NSUN3: variants seen among roughly 807,000 people sequenced by gnomAD.
The protein encoded by NSUN3 is tRNA (cytosine(34)-C(5))-methyltransferase, mitochondrial.
In NSUN3, 24 loss-of-function variants were observed where a neutral mutation model predicts 36.8. The observed-to-expected ratio is 0.65, with a 90% CI of 0.47 to 0.92. The LOEUF is 0.92. NSUN3 is among the 40% of genes least tolerant of loss of function. NSUN3 has a pLI of 0.00. For missense variants in NSUN3, 381 were observed against 392.8 expected (o/e 0.97, Z 0.25); for synonymous variants, 146 against 145.2 (o/e 1.01, Z -0.04).
rs535044729 is a variant in NSUN3 at position 94,116,918 on chromosome 3, A to C, written c.744-9293A>C. The stretch of plus-strand genomic sequence containing the variant: ...ATGAATAGTTATACCACATGAGATA[A>C]GTCTTGGCCATAAATAGCCTTACAT... On this transcript the variant is annotated intron_variant, in intron 5 of 5. Coordinates refer to ENST00000314622, the MANE Select transcript of NSUN3 (RefSeq NM_022072.5). 5.3e-5 allele frequency among the ~76,000 whole-genome samples: 8 copies of C among 151,932 alleles called. No homozygotes were observed. In the East Asian group the frequency reaches 7.7e-4, roughly 15 times the overall value.
intron 5 of NSUN3, among the ~76,000 whole-genome samples, chr3:94,113,357 C>T (rs1303371213): frequency 6.6e-6 from 1 of 152,168 alleles, no homozygotes; most frequent in Non-Finnish European, 1.5e-5. Context: ...AAATAACTGT[C>T]TTGCCTTAGT....
chr3:94,110,730 A>G (rs2077412516), intron 5 of NSUN3, among the ~76,000 whole-genome samples: 1 of 149,604 alleles, frequency 6.7e-6, no homozygotes, highest in Non-Finnish European at 1.5e-5. Flanking sequence ...GGAGATATAC[A>G]TGTATACACA....
At chr3:94,064,376 G>T in intron 1 of NSUN3, 61 bp from the exon 2 acceptor site, 1 of 994,028 alleles carries the variant, frequency 1.0e-6, no homozygotes, top group Non-Finnish European at 1.6e-6. Flanking sequence ...CCTTGCTAAT[G>T]TTGACGTTCA....
chr3:94,105,365 C>A (rs2077384569), intron 5 of NSUN3, among the ~76,000 whole-genome samples: 1 of 152,136 alleles, frequency 6.6e-6, no homozygotes, highest in African/African-American at 2.4e-5. Flanking sequence ...GGCATTTGGC[C>A]TCATTCTGCC....
chr3:94,105,885 T>TG (rs1441544812), intron 5 of NSUN3, among the ~76,000 whole-genome samples: 1 of 151,520 alleles, frequency 6.6e-6, no homozygotes. Flanking sequence ...GGCTTTTCTT[T>TG]TTTTTTTTTC....
chr3:94,124,187 C>T (rs1461340545), intron 5 of NSUN3, among the ~76,000 whole-genome samples: 1 of 107,180 alleles, frequency 9.3e-6, no homozygotes, highest in Non-Finnish European at 1.7e-5. Flanking sequence ...GAGTCTCACT[C>T]TTTCACCCAG....
At chr3:94,075,932 C>T (rs993351683) in intron 2 of NSUN3, 19 of 1,477,522 alleles carry the variant, frequency 1.3e-5, no homozygotes, top group Admixed American at 3.4e-5. Context: ...CTTCTGGATC[C>T]ATATTCCTTC....
intron 2 of NSUN3, among the ~76,000 whole-genome samples, chr3:94,065,105 G>A (rs1298335762): frequency 6.6e-6 from 1 of 152,168 alleles, no homozygotes; most frequent in Non-Finnish European, 1.5e-5. Flanking sequence ...GTAAGATGAT[G>A]TTAATGTATG....
rs1325425799 is a variant in NSUN3, at chr3:94,117,369, AC to A, written c.744-8840del. Among the ~76,000 whole-genome samples the A allele has an allele frequency of 5.3e-5, 8 of 152,072 alleles. No individual in the cohort carries two copies. In the South Asian group the frequency reaches 6.2e-4, roughly 12 times the overall value. On this transcript the variant is annotated intron_variant, in intron 5 of 5. Transcript: ENST00000314622. The stretch of plus-strand genomic sequence containing the variant: ...GATTTCACGACAGAGTATGAGATAG[AC>A]CTGAAGTACCACTTGGTTGTATTCT...
intron 2 of NSUN3, among the ~76,000 whole-genome samples, chr3:94,071,587 A>G (rs993359275): frequency 6.6e-6 from 1 of 152,162 alleles, no homozygotes; most frequent in Non-Finnish European, 1.5e-5. Context: ...CTTTAAACAT[A>G]TGGTGAGATT....
chr3:94,070,857 C>G (rs1232223704), intron 2 of NSUN3, among the ~76,000 whole-genome samples: 1 of 152,130 alleles, frequency 6.6e-6, no homozygotes, highest in African/African-American at 2.4e-5. Context: ...TTGCTTTCAA[C>G]AAAAGTAAAG....
chr3:94,129,287 TGTG>T lies in NSUN3; in HGVS notation c.*2800_*2802del, dbSNP rs1226895961. On this transcript the variant is annotated 3_prime_UTR_variant, in exon 6 of 6. Coordinates refer to ENST00000314622, the MANE Select transcript of NSUN3 (RefSeq NM_022072.5). ...TCAGCAGTTGATTGAATAAAGGAAATGTGGTACATATACCTCGTGTAATATTAC... is the reference window on the plus strand; with the variant it reads ...TCAGCAGTTGATTGAATAAAGGAAATGTACATATACCTCGTGTAATATTAC... Among the ~76,000 whole-genome samples, 1 of 152,166 alleles carries T rather than the reference TGTG, an allele frequency of 6.6e-6. No individual in the cohort carries two copies. Among genetic ancestry groups the T allele is most frequent in the Non-Finnish European group, 1.5e-5 (1 of 68,038 alleles).
intron 2 of NSUN3, chr3:94,077,054 C>A (rs935996906): frequency 1.3e-6 from 1 of 796,866 alleles, no homozygotes; most frequent in African/African-American, 1.7e-5. Flanking sequence ...CTGGGCCACT[C>A]CAGAGCCTGC....
chr3:94,124,800 C>A (rs1398836811), intron 5 of NSUN3, among the ~76,000 whole-genome samples: 1 of 152,118 alleles, frequency 6.6e-6, no homozygotes, highest in Non-Finnish European at 1.5e-5. Context: ...AGAATGTAAG[C>A]TTCATGAGGT....
At chr3:94,073,733 C>T (rs999583531) in intron 2 of NSUN3, among the ~76,000 whole-genome samples, 1 of 152,144 alleles carries the variant, frequency 6.6e-6, no homozygotes, top group Non-Finnish European at 1.5e-5. Context: ...CAAAAATTTT[C>T]TCCCATTCTG....
chr3:94,077,528 T>C (rs980620702), intron 2 of NSUN3, among the ~76,000 whole-genome samples: 1 of 152,228 alleles, frequency 6.6e-6, no homozygotes, highest in Non-Finnish European at 1.5e-5. Context: ...AGCTCCTCTT[T>C]GTACGTTTGG....
In NSUN3 at chr3:94,064,557, T is replaced by C. The variant is rs750152941; in HGVS notation, c.122+11T>C. 2.8e-6 allele frequency: 4 copies of C among 1,439,682 alleles called. No individual in the cohort carries two copies. The South Asian group carries it at 4.6e-5, about 17-fold the overall frequency. 89.2% of individuals were successfully genotyped at this position (1,439,682 alleles called of 1,614,324 possible). A position where few individuals can be genotyped will look rare whatever the true frequency, so the allele number is the denominator to read the frequency against. On this transcript the variant is annotated intron_variant, in intron 2 of 5. Coordinates refer to ENST00000314622, the MANE Select transcript of NSUN3 (RefSeq NM_022072.5). The stretch of plus-strand genomic sequence containing the variant: ...CTGGAATACAGTAAGGTTAGTATAA[T>C]TCATCTCGATGCTTTATGATGGAAC...
intron 2 of NSUN3, among the ~76,000 whole-genome samples, chr3:94,077,787 C>A (rs1237667722): frequency 6.6e-6 from 1 of 151,958 alleles, no homozygotes; most frequent in Non-Finnish European, 1.5e-5. Context: ...TGGTGATATC[C>A]CCTATATTAT....
intron 3 of NSUN3, among the ~76,000 whole-genome samples, chr3:94,085,782 T>C (rs1198242146): frequency 6.6e-6 from 1 of 152,070 alleles, no homozygotes; most frequent in African/African-American, 2.4e-5. Flanking sequence ...TTACAGTTGT[T>C]TTACTGTTTC....
Sources: allele counts gnomAD v4.1 joint callset (sites outside exome capture counted in the v4.1 genomes callset), GRCh38; gene constraint gnomAD v4.1.1; transcripts MANE v1.5; gene names NCBI Gene and HGNC (gene_info 2026-07-23, HGNC 2026-07-21).